The following ACTN2 variants were observed in gnomAD, a reference collection of about 807,000 sequenced individuals.
ACTN2 encodes actinin alpha 2, also known as alpha-actinin-2.
A neutral mutation model predicts 113.8 loss-of-function variants in ACTN2; 39 were observed. That is an observed-to-expected ratio of 0.34 (90% CI 0.27 to 0.45). The LOEUF is 0.45. Ranked by LOEUF, ACTN2 falls within the 20% of genes least tolerant of loss-of-function variation. ACTN2 has a pLI of 1.00. For missense variants in ACTN2, 992 were observed against 1,177.9 expected, an observed-to-expected ratio of 0.84 and a Z score of 2.31; for synonymous variants, 429 against 444.1, an observed-to-expected ratio of 0.97 and a Z score of 0.43.
At chr1:236,761,316 A>G (rs575715103) in intron 20 of ACTN2, 143 bp downstream of exon 20, 3 of 981,466 alleles carry the variant, frequency 3.1e-6, no homozygotes, top group Admixed American at 2.0e-5. Flanking sequence ...AAGGCAGCAG[A>G]TAGACACACA....
At chr1:236,735,571 C>G in intron 7 of ACTN2, 64 bp from the exon 8 acceptor site, 1 of 1,412,612 alleles carries the variant, frequency 7.1e-7, no homozygotes, top group Non-Finnish European at 1.0e-6. Flanking sequence ...GGTTTCTCTC[C>G]TTCGTCTGTA....
intron 8 of ACTN2, 24 bp from the exon 9 acceptor site, chr1:236,737,098 C>A: frequency 6.3e-7 from 1 of 1,586,354 alleles, no homozygotes; most frequent in South Asian, 1.1e-5. Context: ...CAGAGCCGTC[C>A]TGTTTACCTA....
intron 12 of ACTN2, 91 bp downstream of exon 12, chr1:236,744,867 G>T (rs556994685): frequency 2.5e-6 from 4 of 1,574,304 alleles, no homozygotes; most frequent in South Asian, 1.1e-5. Context: ...CTGACTAAAC[G>T]CAGAGGGAAC....
At chr1:236,760,891 A>C in intron 19 of ACTN2, 124 bp from the exon 20 acceptor site, 1 of 1,242,854 alleles carries the variant, frequency 8.0e-7, no homozygotes, top group Non-Finnish European at 1.2e-6. Context: ...CTGAAGGGAA[A>C]CGCAGGTAAT....
Position 236,686,808 on chromosome 1 carries a change from G to A in ACTN2, c.126+9G>A. ...AGAAGCAGCAGAGGAAGGTCAGCAG[G>A]GGCCCGCGGGCCGCCCGCGCGTGGT... On this transcript the variant is annotated intron_variant, in intron 1 of 20. Transcript: ENST00000366578. The A allele has an allele frequency of 2.7e-6, 4 of 1,484,430 alleles. No individual in the cohort carries two copies. In the South Asian group the frequency reaches 5.4e-5, roughly 20 times the overall value. The allele number at this position is 1,484,430 out of a possible 1,614,324, so 92.0% of individuals were successfully genotyped here.
chr1:236,726,154 A>G (rs1365355738), intron 5 of ACTN2, 134 bp downstream of exon 5: 5 of 796,984 alleles, frequency 6.3e-6, no homozygotes, highest in African/African-American at 1.7e-5. Context: ...CTCAGGCTGT[A>G]GAATTCTTGA....
intron 9 of ACTN2, 104 bp downstream of exon 9, chr1:236,737,318 TTTTGC>T: frequency 6.8e-6 from 2 of 294,472 alleles, no homozygotes; most frequent in Admixed American, 4.6e-5. Flanking sequence ...TATATATATA[TTTTGC>T]ATTTTTCATC....
At chr1:236,721,909 G>T (rs1401652853) in intron 4 of ACTN2, among the ~76,000 whole-genome samples, 6 of 152,118 alleles carry the variant, frequency 3.9e-5, no homozygotes, top group Non-Finnish European at 7.4e-5. Context: ...GGTATGAATG[G>T]TATTATCCAT....
At chr1:236,736,136 C>T (rs1322007769) in intron 8 of ACTN2, among the ~76,000 whole-genome samples, 2 of 152,256 alleles carry the variant, frequency 1.3e-5, no homozygotes, top group Non-Finnish European at 2.9e-5. Context: ...TAACATCCTT[C>T]AAGACTAATC....
At chr1:236,713,291 G>A (rs4659706) in intron 1 of ACTN2, among the ~76,000 whole-genome samples, 52 of 150,896 alleles carry the variant, frequency 3.4e-4, no homozygotes, top group African/African-American at 1.2e-3. Flanking sequence ...GCAATGGCAC[G>A]ATCTTGGCTC....
chr1:236,729,119 A>G (rs1033552568), intron 6 of ACTN2, among the ~76,000 whole-genome samples: 1 of 151,998 alleles, frequency 6.6e-6, no homozygotes, highest in Non-Finnish European at 1.5e-5. Flanking sequence ...CTAAAAATAC[A>G]AAAATTAGCT....
intron 15 of ACTN2, 67 bp from the exon 16 acceptor site, chr1:236,753,880 C>T: frequency 6.3e-7 from 1 of 1,583,802 alleles, no homozygotes. Flanking sequence ...ACTATTCCCG[C>T]ATTCTGTGGT....
At chr1:236,741,913 G>T (rs1399933487) in intron 10 of ACTN2, among the ~76,000 whole-genome samples, 3 of 152,124 alleles carry the variant, frequency 2.0e-5, no homozygotes, top group Non-Finnish European at 2.9e-5. Context: ...CTGCATGCTT[G>T]CCAAACGCAT....
chr1:236,739,654 A>C, intron 10 of ACTN2, 122 bp downstream of exon 10: 7 of 1,229,276 alleles, frequency 5.7e-6, no homozygotes, highest in Non-Finnish European at 8.1e-6. Flanking sequence ...TGTGAATATC[A>C]TTTTGGCCCT....
intron 4 of ACTN2, among the ~76,000 whole-genome samples, chr1:236,722,959 G>T (rs1441794840): frequency 6.6e-6 from 1 of 152,212 alleles, no homozygotes; most frequent in Non-Finnish European, 1.5e-5. Context: ...AGGAGGGTCA[G>T]CTTTGATTGT....
chr1:236,739,213 A>T lies in ACTN2; in HGVS notation c.877-89A>T, dbSNP rs1572132572. ...GTGATTTTAGGAACATTCATCCTTT[A>T]CAAATTATTGGATGCCTCATTTTTT... On this transcript the variant is annotated intron_variant, in intron 9 of 20. Transcript: ENST00000366578. The T allele has an allele frequency of 3.0e-6, 4 of 1,319,502 alleles. No homozygotes were observed. In the Admixed American group the frequency reaches 6.7e-5, roughly 22 times the overall value. The allele number at this position is 1,319,502 out of a possible 1,614,324, so 81.7% of individuals were successfully genotyped here. A position where few individuals can be genotyped will look rare whatever the true frequency, so the allele number is the denominator to read the frequency against.
intron 1 of ACTN2, among the ~76,000 whole-genome samples, chr1:236,689,743 A>G (rs923101150): frequency 2.0e-5 from 3 of 152,162 alleles, no homozygotes; most frequent in African/African-American, 7.2e-5. Context: ...AGGGATATCA[A>G]TTTCTAAGTA....
At chr1:236,711,222 C>T (rs1459285468) in intron 1 of ACTN2, among the ~76,000 whole-genome samples, 1 of 152,234 alleles carries the variant, frequency 6.6e-6, no homozygotes, top group Non-Finnish European at 1.5e-5. Flanking sequence ...TTTGTTCCAG[C>T]TGTCTAAGGA....
chr1:236,722,630 G>A (rs867520929), intron 4 of ACTN2, among the ~76,000 whole-genome samples: 42 of 37,120 alleles, frequency 1.1e-3, no homozygotes, highest in Admixed American at 2.1e-3. Flanking sequence ...GCAAGACTCC[G>A]TCTCAAAAAA....
Sources: allele counts gnomAD v4.1 joint callset (sites outside exome capture counted in the v4.1 genomes callset), GRCh38; gene constraint gnomAD v4.1.1; transcripts MANE v1.5; gene names NCBI Gene and HGNC (gene_info 2026-07-23, HGNC 2026-07-21).